The following AACS variants were observed in gnomAD, a reference collection of about 807,000 sequenced individuals.
The protein encoded by AACS is acetoacetate-CoA ligase.
Under a neutral mutation model 83.1 loss-of-function variants are expected in AACS, and 69 were observed. The ratio of observed to expected loss-of-function variants is 0.83; its 90% CI spans 0.68 to 1.01. The LOEUF (loss-of-function observed/expected upper bound fraction) is 1.01. Ranked by LOEUF, AACS falls within the 50% of genes least tolerant of loss-of-function variation. The pLI is 0.00. For missense variants in AACS, 866 were observed against 882.2 expected (o/e 0.98, Z 0.23); for synonymous variants, 333 against 343.4 (o/e 0.97, Z 0.33).
chr12:125,074,530 G>A (rs980202403), intron 2 of AACS, among the ~76,000 whole-genome samples: 5 of 151,724 alleles, frequency 3.3e-5, no homozygotes, highest in African/African-American at 1.2e-4. Context: ...CTGGGCAATA[G>A]AGCCAGACCC....
chr12:125,076,263 G>A (rs182953740), intron 2 of AACS, among the ~76,000 whole-genome samples: 3 of 152,292 alleles, frequency 2.0e-5, no homozygotes, highest in Admixed American at 6.5e-5. Flanking sequence ...ATATGTTACT[G>A]GGGATGGTTG....
At chr12:125,104,678 G>A (rs1279775296) in intron 7 of AACS, among the ~76,000 whole-genome samples, 2 of 152,192 alleles carry the variant, frequency 1.3e-5, no homozygotes, top group African/African-American at 4.8e-5. Flanking sequence ...GTGGCTTGGC[G>A]AGGGCCATGG....
chr12:125,114,558 G>A lies in AACS; in HGVS notation c.996+1G>A, dbSNP rs1957016369. On this transcript the variant is annotated splice_donor_variant, in intron 9 of 17. Transcript: ENST00000316519. LOFTEE classifies it high-confidence loss of function. Reference sequence around the variant, plus strand: ...TGACATCCTCCTGTGCTACACCACGGTAAGGGCTTCCCCAGGTGCTGGCCT... The same window carrying A: ...TGACATCCTCCTGTGCTACACCACGATAAGGGCTTCCCCAGGTGCTGGCCT... 3 of 1,610,520 alleles carry A rather than the reference G, an allele frequency of 1.9e-6. No homozygotes were observed. The highest frequency in any genetic ancestry group is 2.5e-6 in the Non-Finnish European group (3 of 1,178,310).
chr12:125,093,376 G>A (rs937655227), intron 5 of AACS, among the ~76,000 whole-genome samples: 4 of 152,230 alleles, frequency 2.6e-5, no homozygotes, highest in Non-Finnish European at 4.4e-5. Flanking sequence ...CAGTGGCAGG[G>A]CTGGACCCCA....
chr12:125,089,283 C>T (rs1043042481), intron 4 of AACS, among the ~76,000 whole-genome samples: 9 of 152,046 alleles, frequency 5.9e-5, no homozygotes, highest in Non-Finnish European at 1.0e-4. Flanking sequence ...GCAGGGGAGT[C>T]GCGTGTGAAT....
At position 125,113,934 on chromosome 12, in the gene AACS, A is replaced by G. The variant is rs1204810398; in HGVS notation, c.916-543A>G. 6.6e-6 allele frequency among the ~76,000 whole-genome samples: 1 copy of G among 152,118 alleles called. No individual in the cohort carries two copies. The highest frequency in any genetic ancestry group is 6.5e-5 in the Admixed American group (1 of 15,278). The stretch of plus-strand genomic sequence containing the variant: ...GCGGTTCTGCTTGGGTGTTTTAGCC[A>G]GAAGCAGGGTCTTGTGCTGTCCCCT... On this transcript the variant is annotated intron_variant, in intron 8 of 17. Coordinates refer to ENST00000316519, the MANE Select transcript of AACS (RefSeq NM_023928.5). The surrounding 1 kb of genome is among the most constrained non-coding windows in gnomAD (Gnocchi z 4.8).
intron 9 of AACS, among the ~76,000 whole-genome samples, chr12:125,117,179 A>C (rs920803170): frequency 6.6e-6 from 1 of 152,012 alleles, no homozygotes; most frequent in African/African-American, 2.4e-5. Context: ...TGGGAGGATG[A>C]GGTAGGTGGA....
intron 5 of AACS, 110 bp downstream of exon 5, chr12:125,091,633 G>A (rs1299286701): frequency 1.3e-5 from 14 of 1,115,228 alleles, no homozygotes; most frequent in African/African-American, 3.1e-5. Flanking sequence ...TGAGCCCAGC[G>A]GGAGGAGGTG....
intron 3 of AACS, among the ~76,000 whole-genome samples, chr12:125,082,885 GATCA>G (rs1249782817): frequency 1.3e-5 from 2 of 152,158 alleles, no homozygotes; most frequent in African/African-American, 4.8e-5. Flanking sequence ...GAAAAGCGAT[GATCA>G]ATCAGGAGCA....
At chr12:125,079,065 T>C (rs1451195828) in intron 3 of AACS, among the ~76,000 whole-genome samples, 1 of 152,144 alleles carries the variant, frequency 6.6e-6, no homozygotes, top group Non-Finnish European at 1.5e-5. Flanking sequence ...GAAGCCTTCC[T>C]CTGGCTGACC....
chr12:125,088,730 TG>T (rs1956395897), intron 4 of AACS, among the ~76,000 whole-genome samples: 1 of 152,186 alleles, frequency 6.6e-6, no homozygotes, highest in South Asian at 2.1e-4. Flanking sequence ...CAGGTTATAT[TG>T]GGGACAGCCA....
chr12:125,074,169 TCTGTTGTATGGGGAC>T (rs1256862238), intron 2 of AACS, among the ~76,000 whole-genome samples, 190 bp downstream of exon 2: 4 of 152,186 alleles, frequency 2.6e-5, no homozygotes, highest in Non-Finnish European at 1.5e-5. Context: ...CTGTTAATCC[TCTGTTGTATGGGGAC>T]CCCAGGCCCT....
At chr12:125,123,749 C>G (rs1468986663) in intron 10 of AACS, 1 of 152,228 alleles carries the variant, frequency 6.6e-6, no homozygotes, top group Non-Finnish European at 1.5e-5. Flanking sequence ...AATCTCACAG[C>G]CTCCTCTAGG....
chr12:125,065,855 G>A (rs1955676065), intron 1 of AACS, 138 bp downstream of exon 1: 18 of 1,301,410 alleles, frequency 1.4e-5, no homozygotes, highest in Middle Eastern at 5.6e-4. Flanking sequence ...TTCTGACTGC[G>A]GGGTTCCCCC....
Position 125,128,269 on chromosome 12 carries a change from A to G in AACS, c.1418A>G (p.Glu473Gly). 1 of 1,611,162 alleles carries G rather than the reference A, an allele frequency of 6.2e-7. No individual in the cohort carries two copies. The change falls in exon 13 of 18, where the codon GAG (glutamate) becomes GGG (glycine). Residue 473 changes from glutamate to glycine, a missense_variant. Physicochemically the swap from Glu to Gly is moderately conservative, Grantham distance 98 (BLOSUM62 -2). Coordinates refer to ENST00000316519, the MANE Select transcript of AACS (RefSeq NM_023928.5). ...GGCATGGCCGTGGAAGCGTGGAACG[A>G]GGAAGGTGATGGCTCCACCAACTGT... ...NLGMAVEAWN[E>G]EGKAVWGESG...
chr12:125,133,062 G>A (rs1957349416), intron 14 of AACS, among the ~76,000 whole-genome samples: 1 of 152,226 alleles, frequency 6.6e-6, no homozygotes, highest in African/African-American at 2.4e-5. Context: ...ATTGCAGGAG[G>A]CCAGCCTGCT....
At position 125,134,300 on chromosome 12, in the gene AACS, C is replaced by G. The variant is rs146127796; in HGVS notation, c.1619+228C>G. 2.9e-3 allele frequency among the ~76,000 whole-genome samples: 441 copies of G among 152,346 alleles called. 4 individuals carry two copies. The highest frequency in any genetic ancestry group is 9.4e-3 in the African/African-American group (390 of 41,582). On this transcript the variant is annotated intron_variant, in intron 15 of 17. Coordinates refer to ENST00000316519, the MANE Select transcript of AACS (RefSeq NM_023928.5). ...CCCCACCCCTGTGCCTGTGCACACACCATCCCTGGGCCTGAAGACCCCCTC... is the reference window on the plus strand; with the variant it reads ...CCCCACCCCTGTGCCTGTGCACACAGCATCCCTGGGCCTGAAGACCCCCTC...
intron 2 of AACS, among the ~76,000 whole-genome samples, chr12:125,074,805 A>G (rs1461054027): frequency 1.3e-5 from 2 of 151,032 alleles, no homozygotes; most frequent in Non-Finnish European, 3.0e-5. Flanking sequence ...CTGGGATTAC[A>G]GTCATGCACC....
At chr12:125,134,727 G>T in intron 15 of AACS, 67 bp from the exon 16 acceptor site, 6 of 1,578,588 alleles carry the variant, frequency 3.8e-6, no homozygotes, top group Non-Finnish European at 5.2e-6. Flanking sequence ...CTGCCCTCCC[G>T]TGGGACCCCT....
Sources: gnomAD v4.1 joint callset for allele counts (sites outside exome capture counted in the v4.1 genomes callset) on GRCh38, gnomAD v4.1.1 for gene constraint, Gnocchi (gnomAD v3.1) non-coding constraint, MANE v1.5 for transcripts, NCBI Gene and HGNC (gene_info 2026-07-23, HGNC 2026-07-21) for gene names.